ST18: variants seen among roughly 807,000 people sequenced by gnomAD.
ST18 encodes the protein suppression of tumorigenicity 18 protein.
A neutral mutation model predicts 110.0 loss-of-function variants in ST18; 50 were observed. That is an observed-to-expected ratio of 0.45 (90% CI 0.36 to 0.58). The LOEUF is 0.58. Among genes scored for constraint, ST18 ranks in the 20% least tolerant of loss-of-function variants. The pLI, the probability that ST18 is intolerant of heterozygous loss-of-function variation, is 0.00. For synonymous variants in ST18, 461 were observed against 452.4 expected (o/e 1.02, Z -0.24); for missense variants, 1,306 against 1,280.1 (o/e 1.02, Z -0.31).
At chr8:52,131,067 TTTAAA>T in intron 22 of ST18, among the ~76,000 whole-genome samples, 1 of 152,248 alleles carries the variant, frequency 6.6e-6, no homozygotes, top group South Asian at 2.1e-4. Context: ...TTACTGAATA[TTTAAA>T]TATCTTTAAA....
intron 2 of ST18, among the ~76,000 whole-genome samples, chr8:52,290,182 T>C (rs564687824): frequency 6.6e-6 from 1 of 152,234 alleles, no homozygotes; most frequent in East Asian, 1.9e-4. Flanking sequence ...AATCCACTCC[T>C]CCTTCATGTG....
intron 2 of ST18, among the ~76,000 whole-genome samples, chr8:52,358,291 G>A (rs572946763): frequency 2.6e-5 from 4 of 151,928 alleles, no homozygotes; most frequent in African/African-American, 9.6e-5. Flanking sequence ...TACACATTAA[G>A]GAGCTAGAAA....
intron 2 of ST18, among the ~76,000 whole-genome samples, chr8:52,286,981 C>T (rs889565102): frequency 2.0e-4 from 30 of 151,820 alleles, no homozygotes; most frequent in African/African-American, 7.3e-4. Flanking sequence ...AACCACTGGT[C>T]TAAAGAAAAT....
At chr8:52,348,570 C>A (rs886909545) in intron 2 of ST18, among the ~76,000 whole-genome samples, 4 of 152,118 alleles carry the variant, frequency 2.6e-5, no homozygotes, top group Non-Finnish European at 5.9e-5. Context: ...CATGGTGAAA[C>A]CCTCTATCTA....
At chr8:52,204,988 G>T (rs1396310875) in intron 8 of ST18, among the ~76,000 whole-genome samples, 1 of 151,918 alleles carries the variant, frequency 6.6e-6, no homozygotes, top group Non-Finnish European at 1.5e-5. Flanking sequence ...TTATTCATTA[G>T]CTCCGTAGTA....
chr8:52,280,659 A>T (rs568361844), intron 2 of ST18, among the ~76,000 whole-genome samples: 46 of 152,184 alleles, frequency 3.0e-4, no homozygotes, highest in Admixed American at 1.8e-3. Context: ...TAATGACAAA[A>T]TTTTTCGTTT....
chr8:52,231,830 G>T (rs943300418), intron 2 of ST18, among the ~76,000 whole-genome samples: 3 of 152,132 alleles, frequency 2.0e-5, no homozygotes, highest in African/African-American at 7.2e-5. Context: ...TCTCACAAGG[G>T]TCCAGGTTCT....
intron 9 of ST18, among the ~76,000 whole-genome samples, chr8:52,177,082 G>A (rs541286717): frequency 6.6e-6 from 1 of 152,272 alleles, no homozygotes; most frequent in Non-Finnish European, 1.5e-5. Context: ...TTACGCTGCT[G>A]GGGACCCCAC....
intron 19 of ST18, 26 bp from the exon 20 acceptor site, chr8:52,133,327 G>T (rs2050536120): frequency 6.2e-7 from 1 of 1,613,984 alleles, no homozygotes; most frequent in East Asian, 2.2e-5. Context: ...AGAGAGCATG[G>T]GCTGAGAAGT....
intron 2 of ST18, among the ~76,000 whole-genome samples, chr8:52,372,391 C>T (rs1018331128): frequency 6.6e-6 from 1 of 152,148 alleles, no homozygotes; most frequent in Non-Finnish European, 1.5e-5. Flanking sequence ...AGTTACAGTA[C>T]ACTACGGTTA....
intron 2 of ST18, among the ~76,000 whole-genome samples, chr8:52,288,609 G>T (rs1303315177): frequency 6.6e-6 from 1 of 151,176 alleles, no homozygotes; most frequent in African/African-American, 2.4e-5. Context: ...CTGGAGAATT[G>T]CTTGAACCTG....
At chr8:52,155,667 T>A (rs1351743666) in intron 15 of ST18, among the ~76,000 whole-genome samples, 1 of 152,200 alleles carries the variant, frequency 6.6e-6, no homozygotes, top group Non-Finnish European at 1.5e-5. Context: ...GTCCATATCA[T>A]CCTTCGTTAT....
At chr8:52,209,738 C>T (rs2081417082) in intron 8 of ST18, among the ~76,000 whole-genome samples, 2 of 139,048 alleles carry the variant, frequency 1.4e-5, no homozygotes, top group African/African-American at 2.7e-5. Flanking sequence ...CCATTGCACT[C>T]CAGCTTGGGC....
chr8:52,136,904 A>T (rs1436565548), intron 18 of ST18, among the ~76,000 whole-genome samples: 2 of 151,960 alleles, frequency 1.3e-5, no homozygotes, highest in South Asian at 2.1e-4. Flanking sequence ...AGACCCCCCA[A>T]CTCTAAAGCT....
At chr8:52,288,490 A>G (rs2095503510) in intron 2 of ST18, among the ~76,000 whole-genome samples, 1 of 152,140 alleles carries the variant, frequency 6.6e-6, no homozygotes, top group South Asian at 2.1e-4. Flanking sequence ...ACCTGAGGTC[A>G]GGAGTTCAAG....
At chr8:52,366,839 A>C (rs1169146617) in intron 2 of ST18, among the ~76,000 whole-genome samples, 1 of 152,224 alleles carries the variant, frequency 6.6e-6, no homozygotes, top group African/African-American at 2.4e-5. Context: ...ACTGTGTGTC[A>C]TTCATTATAC....
intron 2 of ST18, among the ~76,000 whole-genome samples, chr8:52,289,970 G>A (rs979929575): frequency 6.6e-6 from 1 of 151,742 alleles, no homozygotes; most frequent in Admixed American, 6.6e-5. Context: ...GAAGTAAAGT[G>A]ACTGGCCTGA....
intron 2 of ST18, among the ~76,000 whole-genome samples, chr8:52,234,427 G>A (rs2092259049): frequency 6.6e-6 from 1 of 151,946 alleles, no homozygotes; most frequent in African/African-American, 2.4e-5. Context: ...ACCGCACCCG[G>A]CTATTTTTTG....
intron 22 of ST18, among the ~76,000 whole-genome samples, chr8:52,128,860 A>G (rs572937213): frequency 6.6e-6 from 1 of 152,314 alleles, no homozygotes; most frequent in East Asian, 1.9e-4. Flanking sequence ...AGGGTTTTGC[A>G]AAGTTTTAAA....
Sources: gnomAD v4.1 joint callset for allele counts (sites outside exome capture counted in the v4.1 genomes callset) on GRCh38, gnomAD v4.1.1 for gene constraint, MANE v1.5 for transcripts, NCBI Gene and HGNC (gene_info 2026-07-23, HGNC 2026-07-21) for gene names.